The following PPP1R12A variants were observed in gnomAD, a reference collection of about 807,000 sequenced individuals.
PPP1R12A encodes the protein myosin binding subunit.
PPP1R12A carries 19 observed loss-of-function variants against 139.6 expected under a neutral mutation model. The observed-to-expected ratio is 0.14, with a 90% CI of 0.09 to 0.20. The LOEUF (loss-of-function observed/expected upper bound fraction) is 0.20, where lower values mean the gene tolerates loss of function less well. Ranked by LOEUF, PPP1R12A falls within the 10% of genes least tolerant of loss-of-function variation. The pLI is 1.00. For synonymous variants in PPP1R12A, 427 were observed against 420.6 expected, an observed-to-expected ratio of 1.02 and a Z score of -0.19; for missense variants, 925 against 1,211.5, an observed-to-expected ratio of 0.76 and a Z score of 3.51.
At chr12:79,783,729 C>T (rs779131720) in intron 22 of PPP1R12A, among the ~76,000 whole-genome samples, 14 of 152,094 alleles carry the variant, frequency 9.2e-5, no homozygotes, top group African/African-American at 1.7e-4. Flanking sequence ...AATAGCATTT[C>T]ACTGGAGATT....
intron 14 of PPP1R12A, among the ~76,000 whole-genome samples, chr12:79,802,097 A>C (rs879446229): frequency 3.9e-5 from 6 of 152,206 alleles, no homozygotes; most frequent in Non-Finnish European, 7.4e-5. Context: ...GGGATATAAG[A>C]GGGGCTTGTT....
Position 79,788,795 on chromosome 12 carries a change from T to C in PPP1R12A, c.2667-12A>G. The C allele has an allele frequency of 6.4e-7, 1 of 1,565,158 alleles. No homozygotes were observed. The highest frequency in any genetic ancestry group is 8.7e-7 in the Non-Finnish European group (1 of 1,155,764). On this transcript the variant is annotated splice_polypyrimidine_tract_variant and intron_variant, in intron 20 of 24. Coordinates refer to ENST00000450142, the MANE Select transcript of PPP1R12A (RefSeq NM_002480.3). ...AACTGGTTTCATATCTTCAAAAGAT[T>C]AATTTAAATAAAAAACCTTGTTATA...
rs112247903 is a variant in PPP1R12A, at chr12:79,851,053, T to A, written c.369-5633A>T. 9.8e-3 allele frequency among the ~76,000 whole-genome samples: 1,488 copies of A among 152,316 alleles called. 31 individuals carry two copies. The highest frequency in any genetic ancestry group is 0.034 in the African/African-American group (1,433 of 41,566). ...ATACATTATTGTAGAAAAAGTAGTA[T>A]TAAAAAGTTATTTTAACCAATATAC... On this transcript the variant is annotated intron_variant, in intron 2 of 24. Transcript: ENST00000450142.
rs137984964 is a variant in PPP1R12A at position 79,925,099 on chromosome 12, T to C, written c.237+9596A>G. 3.9e-4 allele frequency among the ~76,000 whole-genome samples: 60 copies of C among 152,256 alleles called. No individual in the cohort carries two copies. The East Asian group carries it at 7.5e-3, about 19-fold the overall frequency. On this transcript the variant is annotated intron_variant, in intron 1 of 24. Coordinates refer to ENST00000450142, the MANE Select transcript of PPP1R12A (RefSeq NM_002480.3). ...CAACACTGAGGATATTTTAAAAAAATGTTCTGGAGCTGAAACTCCAACAGA... is the reference window on the plus strand; with the variant it reads ...CAACACTGAGGATATTTTAAAAAAACGTTCTGGAGCTGAAACTCCAACAGA...
intron 2 of PPP1R12A, among the ~76,000 whole-genome samples, chr12:79,858,038 T>C (rs893387853): frequency 6.6e-6 from 1 of 152,204 alleles, no homozygotes; most frequent in African/African-American, 2.4e-5. Flanking sequence ...TTTCCTAAGA[T>C]CTTAATTTCT....
intron 8 of PPP1R12A, among the ~76,000 whole-genome samples, chr12:79,820,543 AAT>A (rs1395088846): frequency 6.6e-6 from 1 of 151,726 alleles, no homozygotes; most frequent in African/African-American, 2.4e-5. Flanking sequence ...AACTTCTTTA[AAT>A]ATAGGTCGGC....
chr12:79,822,048 T>C (rs1876181231), intron 6 of PPP1R12A, 68 bp downstream of exon 6: 3 of 1,133,698 alleles, frequency 2.6e-6, no homozygotes, highest in East Asian at 5.3e-5. Flanking sequence ...AAGAATACTT[T>C]TGTAATTGTC....
chr12:79,891,399 G>C (rs530490929), intron 1 of PPP1R12A, among the ~76,000 whole-genome samples: 2 of 152,216 alleles, frequency 1.3e-5, no homozygotes, highest in East Asian at 1.9e-4. Context: ...TGGGGGCAGA[G>C]GGGAAAGAAG....
chr12:79,883,816 C>T (rs191629167), intron 1 of PPP1R12A, among the ~76,000 whole-genome samples: 8 of 152,234 alleles, frequency 5.3e-5, no homozygotes, highest in East Asian at 1.9e-4. Context: ...GGAAAACAGA[C>T]ATTTGTGATA....
At chr12:79,933,399 A>G (rs1159615880) in intron 1 of PPP1R12A, among the ~76,000 whole-genome samples, 3 of 152,170 alleles carry the variant, frequency 2.0e-5, no homozygotes, top group Non-Finnish European at 4.4e-5. Context: ...CTTTTTTTTA[A>G]AAGGCATCAA....
At chr12:79,832,080 G>A (rs1217628626) in intron 4 of PPP1R12A, among the ~76,000 whole-genome samples, 1 of 152,118 alleles carries the variant, frequency 6.6e-6, no homozygotes, top group Non-Finnish European at 1.5e-5. Flanking sequence ...CAGAGAATAG[G>A]TGACTGACAC....
At chr12:79,872,372 T>A (rs563857330) in intron 2 of PPP1R12A, among the ~76,000 whole-genome samples, 14 of 152,266 alleles carry the variant, frequency 9.2e-5, no homozygotes, top group Middle Eastern at 3.4e-3. Flanking sequence ...ATGTATTTTT[T>A]AAAAAAGACA....
rs1404408012 is a variant in PPP1R12A at position 79,810,087 on chromosome 12, T to C, written c.1240-77A>G. The stretch of plus-strand genomic sequence containing the variant: ...CAGTCCTTAAATTGGAAACAATAAG[T>C]TTACAGATAATATATTTAAAATTAT... On this transcript the variant is annotated intron_variant, in intron 9 of 24. Coordinates refer to ENST00000450142, the MANE Select transcript of PPP1R12A (RefSeq NM_002480.3). 8 of 1,099,100 alleles carry C rather than the reference T, an allele frequency of 7.3e-6. No homozygotes were observed. The East Asian group carries it at 2.1e-4, about 28-fold the overall frequency. 68.1% of individuals were successfully genotyped at this position (1,099,100 alleles called of 1,614,324 possible).
Position 79,838,041 on chromosome 12 carries a change from AG to A in PPP1R12A, c.488-5551del, listed in dbSNP as rs564977614. 4.5e-3 allele frequency among the ~76,000 whole-genome samples: 685 copies of A among 152,342 alleles called. 4 individuals are homozygous for A. Among genetic ancestry groups the A allele is most frequent in the Non-Finnish European group, 6.8e-3 (462 of 68,036 alleles). The stretch of plus-strand genomic sequence containing the variant: ...GGCTGGAACAGTTTAGAGGGCTCAG[AG>A]GAAGACAGGAAGATGTAGGAAAGTT... On this transcript the variant is annotated intron_variant, in intron 3 of 24. Transcript: ENST00000450142.
intron 2 of PPP1R12A, among the ~76,000 whole-genome samples, chr12:79,852,820 T>A (rs1880214016): frequency 6.6e-6 from 1 of 152,102 alleles, no homozygotes; most frequent in Admixed American, 6.6e-5. Flanking sequence ...GGGGTTGGGG[T>A]GCATAGGTAG....
At chr12:79,843,509 G>A (rs1878999733) in intron 3 of PPP1R12A, among the ~76,000 whole-genome samples, 1 of 151,830 alleles carries the variant, frequency 6.6e-6, no homozygotes, top group South Asian at 2.1e-4. Context: ...AACCCGAGAG[G>A]CAGAGGTTGC....
intron 9 of PPP1R12A, among the ~76,000 whole-genome samples, chr12:79,813,295 C>G (rs991960958): frequency 6.6e-6 from 1 of 152,130 alleles, no homozygotes; most frequent in African/African-American, 2.4e-5. Flanking sequence ...ACAAGGTTTA[C>G]AAGCCCTTCT....
At chr12:79,924,652 C>A (rs972250591) in intron 1 of PPP1R12A, among the ~76,000 whole-genome samples, 15 of 152,190 alleles carry the variant, frequency 9.9e-5, no homozygotes, top group Non-Finnish European at 1.9e-4. Flanking sequence ...CAGTTTTGAA[C>A]TCCTGGGCTC....
At chr12:79,914,340 C>CTATAA (rs376432992) in intron 1 of PPP1R12A, among the ~76,000 whole-genome samples, 1 of 151,812 alleles carries the variant, frequency 6.6e-6, no homozygotes, top group Non-Finnish European at 1.5e-5. Context: ...CTTTGCAAAA[C>CTATAA]TATAATATAA....
Sources: allele counts gnomAD v4.1 joint callset (sites outside exome capture counted in the v4.1 genomes callset), GRCh38; gene constraint gnomAD v4.1.1; transcripts MANE v1.5; gene names NCBI Gene and HGNC (gene_info 2026-07-23, HGNC 2026-07-21).